The following RPRD2 variants were observed in gnomAD, a reference collection of about 807,000 sequenced individuals.
RPRD2 encodes the protein regulation of nuclear pre-mRNA domain containing 2.
A neutral mutation model predicts 104.4 loss-of-function variants in RPRD2; 12 were observed. The ratio of observed to expected loss-of-function variants is 0.11; its 90% CI spans 0.07 to 0.19. The LOEUF (loss-of-function observed/expected upper bound fraction) is 0.19, where lower values mean the gene tolerates loss of function less well. Among genes scored for constraint, RPRD2 ranks in the 10% least tolerant of loss-of-function variants. The pLI is 1.00. For synonymous variants in RPRD2, 714 were observed against 684.9 expected (o/e 1.04, Z -0.66); for missense variants, 1,543 against 1,790.1 (o/e 0.86, Z 2.49).
chr1:150,423,646 T>C (rs1664912696), intron 2 of RPRD2, among the ~76,000 whole-genome samples: 1 of 152,020 alleles, frequency 6.6e-6, no homozygotes. Flanking sequence ...AATCTGAAAA[T>C]TTGAAATGCA....
chr1:150,414,381 C>G (rs1202772574), intron 1 of RPRD2, among the ~76,000 whole-genome samples: 1 of 152,134 alleles, frequency 6.6e-6, no homozygotes, highest in Non-Finnish European at 1.5e-5. Context: ...GTAAAAGACT[C>G]CAAAGCTAAC....
At chr1:150,459,397 T>C (rs1667767247) in intron 8 of RPRD2, among the ~76,000 whole-genome samples, 1 of 152,134 alleles carries the variant, frequency 6.6e-6, no homozygotes, top group African/African-American at 2.4e-5. Context: ...CAGAAGTTCT[T>C]AGAAAGTTCT....
At chr1:150,383,403 C>T (rs1260012698) in intron 1 of RPRD2, among the ~76,000 whole-genome samples, 1 of 151,088 alleles carries the variant, frequency 6.6e-6, no homozygotes, top group Non-Finnish European at 1.5e-5. Context: ...CAACCTCCAC[C>T]TCTCAGGTTC....
intron 1 of RPRD2, among the ~76,000 whole-genome samples, chr1:150,377,876 T>C (rs749709030): frequency 1.4e-4 from 22 of 152,106 alleles, no homozygotes; most frequent in Non-Finnish European, 2.9e-4. Context: ...AATTTATAAA[T>C]TTATTAAAAA....
intron 1 of RPRD2, among the ~76,000 whole-genome samples, chr1:150,387,048 T>C (rs1661616963): frequency 6.6e-6 from 1 of 152,222 alleles, no homozygotes; most frequent in Non-Finnish European, 1.5e-5. Context: ...TAGACTAGTG[T>C]CTACATAGTT....
At chr1:150,388,206 C>T (rs1553882321) in intron 1 of RPRD2, among the ~76,000 whole-genome samples, 1 of 152,008 alleles carries the variant, frequency 6.6e-6, no homozygotes, top group Admixed American at 6.6e-5. Context: ...GCATGAGCCA[C>T]TGCACCTGGC....
chr1:150,429,049 G>T (rs1413255667), intron 2 of RPRD2, among the ~76,000 whole-genome samples: 1 of 150,330 alleles, frequency 6.7e-6, no homozygotes, highest in African/African-American at 2.4e-5. Context: ...TACATGGTTT[G>T]TGGTGATTGT....
At chr1:150,464,492 AT>A in intron 9 of RPRD2, 34 bp from the exon 10 acceptor site, 1 of 1,533,740 alleles carries the variant, frequency 6.5e-7, no homozygotes, top group Non-Finnish European at 8.9e-7. Flanking sequence ...GTCATTTTGA[AT>A]TGCATTTTCT....
intron 2 of RPRD2, among the ~76,000 whole-genome samples, chr1:150,427,936 A>G (rs951324007): frequency 5.9e-5 from 9 of 152,216 alleles, no homozygotes; most frequent in Non-Finnish European, 1.3e-4. Context: ...AAACTTTAAA[A>G]TATTTGAAGA....
intron 2 of RPRD2, among the ~76,000 whole-genome samples, chr1:150,433,406 T>TATATAC (rs1665740246): frequency 7.1e-6 from 1 of 141,472 alleles, no homozygotes; most frequent in African/African-American, 2.6e-5. Flanking sequence ...AATATATATA[T>TATATAC]ACTATATATA....
intron 7 of RPRD2, among the ~76,000 whole-genome samples, chr1:150,452,506 A>G (rs1667252885): frequency 6.6e-6 from 1 of 152,154 alleles, no homozygotes; most frequent in African/African-American, 2.4e-5. Context: ...CTTGTTCCTT[A>G]CCAGACTTTC....
intron 1 of RPRD2, among the ~76,000 whole-genome samples, chr1:150,377,878 T>C (rs1660843336): frequency 6.6e-6 from 1 of 152,120 alleles, no homozygotes; most frequent in South Asian, 2.1e-4. Context: ...TTTATAAATT[T>C]ATTAAAAATT....
chr1:150,473,165 C>T lies in RPRD2; in HGVS notation c.4217C>T (p.Thr1406Ile). 6.2e-7 allele frequency: 1 copy of T among 1,614,034 alleles called. No individual in the cohort carries two copies. The highest frequency in any genetic ancestry group is 8.5e-7 in the Non-Finnish European group (1 of 1,179,886). ...GPPLGPSHRD[T>I]ISRSGIILRS... ...CCCTTGGGTCCCTCACACAGAGACACCATCAGCCGGAGTGGTATAATCTTA... is the reference window on the plus strand; with the variant it reads ...CCCTTGGGTCCCTCACACAGAGACATCATCAGCCGGAGTGGTATAATCTTA... The change falls in exon 11 of 11, where the codon ACC becomes ATC. Residue 1406 changes from threonine to isoleucine, a missense_variant. Thr to Ile is a moderately conservative substitution (Grantham distance 89). This residue lies in a region of RPRD2 where 880 missense variants were observed against 885.6 expected (regional missense o/e 0.99). Coordinates refer to ENST00000369068, the MANE Select transcript of RPRD2 (RefSeq NM_015203.5).
intron 1 of RPRD2, among the ~76,000 whole-genome samples, chr1:150,398,732 CG>C: frequency 6.6e-6 from 1 of 151,444 alleles, no homozygotes; most frequent in South Asian, 2.1e-4. Flanking sequence ...TTGTAGCAAC[CG>C]GGTTTCACCA....
At position 150,429,294 on chromosome 1, in the gene RPRD2, G is replaced by A. The variant is rs188922467; in HGVS notation, c.335+11569G>A. Among the ~76,000 whole-genome samples, 814 of 152,174 alleles carry A rather than the reference G, an allele frequency of 5.3e-3. 5 individuals carry two copies. The highest frequency in any genetic ancestry group is 7.2e-3 in the Non-Finnish European group (490 of 68,002). On this transcript the variant is annotated intron_variant, in intron 2 of 10. Coordinates refer to ENST00000369068, the MANE Select transcript of RPRD2 (RefSeq NM_015203.5). The stretch of plus-strand genomic sequence containing the variant: ...TTTAGTAGAGACGGGGTTTCTCCAT[G>A]TTGGTCAGGCTGGTCTCGAACTCCC...
At chr1:150,431,434 A>G (rs1553891684) in intron 2 of RPRD2, among the ~76,000 whole-genome samples, 1 of 145,882 alleles carries the variant, frequency 6.9e-6, no homozygotes, top group African/African-American at 2.6e-5. Context: ...AGTGTGATGT[A>G]TACAAACATG....
intron 2 of RPRD2, among the ~76,000 whole-genome samples, chr1:150,418,129 G>A (rs781830479): frequency 2.9e-4 from 44 of 152,052 alleles, no homozygotes; most frequent in Admixed American, 5.2e-4. Context: ...TACCATGTCC[G>A]GCTAATTTTT....
At chr1:150,451,078 T>C (rs1250990853) in intron 7 of RPRD2, among the ~76,000 whole-genome samples, 2 of 152,210 alleles carry the variant, frequency 1.3e-5, no homozygotes, top group African/African-American at 4.8e-5. Flanking sequence ...TGGAACAGTT[T>C]CTTAGCTTTC....
At position 150,472,123 on chromosome 1, in the gene RPRD2, G is replaced by C; in HGVS notation, c.3175G>C (p.Glu1059Gln). The change falls in exon 11 of 11, where the codon GAG becomes CAG. Residue 1059 changes from glutamate (E) to glutamine (Q), a missense_variant. Coordinates refer to ENST00000369068, the MANE Select transcript of RPRD2 (RefSeq NM_015203.5). ...CGCCACTGATCAGCAGCAACAAGAAGAGCACTACCGCATAGAAACCCGCGT... is the reference window on the plus strand; with the variant it reads ...CGCCACTGATCAGCAGCAACAAGAACAGCACTACCGCATAGAAACCCGCGT... ...LTATDQQQQE[E>Q]HYRIETRVSS... The C allele has an allele frequency of 6.2e-7, 1 of 1,613,806 alleles. No individual in the cohort carries two copies. Among genetic ancestry groups the C allele is most frequent in the Non-Finnish European group, 8.5e-7 (1 of 1,179,886 alleles).
Sources: allele counts gnomAD v4.1 joint callset (sites outside exome capture counted in the v4.1 genomes callset), GRCh38; gene constraint gnomAD v4.1.1; regional missense constraint gnomAD v4.1.1; transcripts MANE v1.5; gene names NCBI Gene and HGNC (gene_info 2026-07-23, HGNC 2026-07-21).